Variants in HAUS2 observed in about 807,000 individuals in gnomAD.
HAUS2 encodes HAUS augmin-like complex subunit 2.
Under a neutral mutation model 21.6 loss-of-function variants are expected in HAUS2, and 20 were observed. That is an observed-to-expected ratio of 0.93 (90% CI 0.65 to 1.35). The LOEUF (loss-of-function observed/expected upper bound fraction) is 1.35, where lower values mean the gene tolerates loss of function less well. HAUS2 is among the 40% of genes most tolerant of loss of function. HAUS2 has a pLI of 0.00. For missense variants in HAUS2, 297 were observed against 280.7 expected, an observed-to-expected ratio of 1.06 and a Z score of -0.42; for synonymous variants, 113 against 95.6, an observed-to-expected ratio of 1.18 and a Z score of -1.06.
At position 42,557,207 on chromosome 15, in the gene HAUS2, T is replaced by G. The variant is rs573214414; in HGVS notation, c.94-991T>G. ...GGTGGGCGCCTGTAGTCCCAGCTAC[T>G]CGGGAGGCTGAGGCAGGAGAATGGC... is the stretch of plus-strand genomic sequence containing the variant. On this transcript the variant is annotated intron_variant, in intron 1 of 5. Transcript: ENST00000260372. Among the ~76,000 whole-genome samples, 32 of 143,922 alleles carry G rather than the reference T, an allele frequency of 2.2e-4. 1 individual carries two copies. The South Asian group carries it at 7.0e-3, about 31-fold the overall frequency. The allele number at this position is 143,922 out of a possible 152,430, so 94.4% of individuals were successfully genotyped here.
At chr15:42,553,713 A>C (rs1276161746) in intron 1 of HAUS2, among the ~76,000 whole-genome samples, 1 of 152,156 alleles carries the variant, frequency 6.6e-6, no homozygotes, top group Non-Finnish European at 1.5e-5. Flanking sequence ...TCTATTGTTG[A>C]ACCCGACAGT....
rs764691187 is a variant in HAUS2 at position 42,559,339 on chromosome 15, A to C, written c.187A>C (p.Lys63Gln). 3 of 1,583,598 alleles carry C rather than the reference A, an allele frequency of 1.9e-6. No homozygotes were observed. The South Asian group carries it at 3.3e-5, about 18-fold the overall frequency. ...ITNIQAEIYQKNLEIELLKLE... is the reference protein window; with the variant it reads ...ITNIQAEIYQQNLEIELLKLE... ...AATGTTACTTTTGTTCCTCATGTAG[A>C]AAAACCTGGAAATTGAACTCCTGAA... is the stretch of plus-strand genomic sequence containing the variant. The change falls in exon 3 of 6, where the codon AAA becomes CAA. Residue 63 changes from lysine to glutamine, a missense_variant and splice_region_variant. By Grantham distance (53) the Lys-to-Gln change is moderately conservative. Transcript: ENST00000260372.
chr15:42,569,045 G>T lies in HAUS2; in HGVS notation c.*2229G>T, dbSNP rs931004005. ...ACTGGTAGCTGTAGGAATAGGCAAAGAAGAAACAGCAAAGAAAAAGGCACA... is the reference window on the plus strand; with the variant it reads ...ACTGGTAGCTGTAGGAATAGGCAAATAAGAAACAGCAAAGAAAAAGGCACA... On this transcript the variant is annotated 3_prime_UTR_variant, in exon 6 of 6. Coordinates refer to ENST00000260372, the MANE Select transcript of HAUS2 (RefSeq NM_018097.3). The T allele has an allele frequency of 6.6e-6, 1 of 152,156 alleles. No homozygotes were observed. The highest frequency in any genetic ancestry group is 2.4e-5 in the African/African-American group (1 of 41,432). The allele number at this position is 152,156 out of a possible 1,614,324, so 9.4% of individuals were successfully genotyped here.
At chr15:42,557,830 G>T (rs1342967549) in intron 1 of HAUS2, among the ~76,000 whole-genome samples, 1 of 152,014 alleles carries the variant, frequency 6.6e-6, no homozygotes. Flanking sequence ...AACCCCGGAA[G>T]CTCTGAGAGA....
intron 4 of HAUS2, 71 bp from the exon 5 acceptor site, chr15:42,563,678 T>A (rs1231553253): frequency 3.7e-6 from 3 of 801,766 alleles, no homozygotes; most frequent in Admixed American, 1.9e-5. Context: ...AAGTCCTGAT[T>A]AAAGGAGAAG....
At position 42,559,301 on chromosome 15, in the gene HAUS2, T is replaced by C. The variant is rs371408509; in HGVS notation, c.187-38T>C. 3.1e-3 allele frequency: 4,054 copies of C among 1,295,056 alleles called. 13 individuals carry two copies. Among genetic ancestry groups the C allele is most frequent in the Non-Finnish European group, 3.5e-3 (3,129 of 888,914 alleles). 80.2% of individuals were successfully genotyped at this position (1,295,056 alleles called of 1,614,324 possible). A position where few individuals can be genotyped will look rare whatever the true frequency, so the allele number is the denominator to read the frequency against. On this transcript the variant is annotated intron_variant, in intron 2 of 5. Coordinates refer to ENST00000260372, the MANE Select transcript of HAUS2 (RefSeq NM_018097.3). ...CCACCGCACCTGGCCATGGACACTT[T>C]CTGATTGAGCTAAATGTTACTTTTG...
intron 4 of HAUS2, among the ~76,000 whole-genome samples, chr15:42,562,692 C>A (rs1024208370): frequency 1.3e-5 from 2 of 152,202 alleles, no homozygotes; most frequent in Non-Finnish European, 2.9e-5. Flanking sequence ...CATCTAAGAA[C>A]TAGGCAATGA....
At position 42,567,037 on chromosome 15, in the gene HAUS2, T is replaced by G. The variant is rs10851411; in HGVS notation, c.*221T>G. On this transcript the variant is annotated 3_prime_UTR_variant, in exon 6 of 6. Coordinates refer to ENST00000260372, the MANE Select transcript of HAUS2 (RefSeq NM_018097.3). Reference sequence around the variant, plus strand: ...CAGTAAAACTAGAGAAGCTAAAAAATAGCCATGACAATTTATTAATATAAG... The same window carrying G: ...CAGTAAAACTAGAGAAGCTAAAAAAGAGCCATGACAATTTATTAATATAAG... 0.65 allele frequency: 241,560 copies of G among 372,392 alleles called. 85,598 individuals are homozygous for G. Among genetic ancestry groups the G allele is most frequent in the East Asian group, 0.78 (15,137 of 19,506 alleles). The allele number at this position is 372,392 out of a possible 1,614,324, so 23.1% of individuals were successfully genotyped here.
chr15:42,558,128 G>T, intron 1 of HAUS2, 70 bp from the exon 2 acceptor site: 1 of 703,642 alleles, frequency 1.4e-6, no homozygotes. Flanking sequence ...TAGACTATGG[G>T]CATGCTATTC....
intron 1 of HAUS2, among the ~76,000 whole-genome samples, chr15:42,556,518 G>A (rs900936906): frequency 1.4e-4 from 22 of 151,726 alleles, no homozygotes; most frequent in African/African-American, 5.1e-4. Flanking sequence ...ACCCACCTCG[G>A]CCTCCAAAGT....
intron 1 of HAUS2, 60 bp downstream of exon 1, chr15:42,549,025 G>A: frequency 9.4e-7 from 1 of 1,063,732 alleles, no homozygotes; most frequent in Non-Finnish European, 1.4e-6. Context: ...CAATATGGCT[G>A]TGAGTTGGTG....
intron 5 of HAUS2, among the ~76,000 whole-genome samples, chr15:42,566,200 C>CA (rs796423256): frequency 2.1e-3 from 249 of 118,358 alleles, no homozygotes; most frequent in Admixed American, 4.5e-3. Context: ...GACACCATCT[C>CA]AAAAAAAAAA....
In HAUS2 at chr15:42,558,310, CT is replaced by C; in HGVS notation, c.186+23del. 1 of 590,186 alleles carries C rather than the reference CT, an allele frequency of 1.7e-6. No homozygotes were observed. The highest frequency in any genetic ancestry group is 2.8e-6 in the Non-Finnish European group (1 of 356,078). The allele number at this position is 590,186 out of a possible 1,614,324, so 36.6% of individuals were successfully genotyped here. On this transcript the variant is annotated intron_variant, in intron 2 of 5. Transcript: ENST00000260372. ...TACCAGGTAAATCATTTTGTTTTCA[CT>C]TTCTTTTTTTTTTTTTTTTTTTTTT...
At chr15:42,566,251 A>G (rs1463076937) in intron 5 of HAUS2, among the ~76,000 whole-genome samples, 2 of 152,072 alleles carry the variant, frequency 1.3e-5, no homozygotes, top group East Asian at 3.9e-4. Flanking sequence ...CATCTTGCAC[A>G]TGTAGTAAAT....
At chr15:42,560,895 G>A (rs1316392323) in intron 3 of HAUS2, 4 of 698,206 alleles carry the variant, frequency 5.7e-6, no homozygotes, top group African/African-American at 5.3e-5. Context: ...ACCAGCTAAG[G>A]TGACTCTTTT....
rs775897433 is a variant in HAUS2 at position 42,559,326 on chromosome 15, G to C, written c.187-13G>C. 7 of 1,523,002 alleles carry C rather than the reference G, an allele frequency of 4.6e-6. No individual in the cohort carries two copies. Among genetic ancestry groups the C allele is most frequent in the Non-Finnish European group, 6.4e-6 (7 of 1,097,090 alleles). The allele number at this position is 1,523,002 out of a possible 1,614,324, so 94.3% of individuals were successfully genotyped here. ...TCTGATTGAGCTAAATGTTACTTTT[G>C]TTCCTCATGTAGAAAAACCTGGAAA... On this transcript the variant is annotated splice_polypyrimidine_tract_variant and intron_variant, in intron 2 of 5. Coordinates refer to ENST00000260372, the MANE Select transcript of HAUS2 (RefSeq NM_018097.3).
intron 3 of HAUS2, chr15:42,560,660 AG>A (rs1314178647): frequency 1.8e-6 from 1 of 561,290 alleles, no homozygotes; most frequent in Non-Finnish European, 3.2e-6. Flanking sequence ...TCTGTAACCC[AG>A]GCTGAAGTAC....
rs1010943709 is a variant in HAUS2, at chr15:42,569,184, C to CT, written c.*2373dup. Reference sequence around the variant, plus strand: ...ACTAACAACTGCCTCAGGATATACTCTTTTTAATCAGTATTGTAACTAACC... The same window carrying CT: ...ACTAACAACTGCCTCAGGATATACTCTTTTTTAATCAGTATTGTAACTAACC... On this transcript the variant is annotated 3_prime_UTR_variant, in exon 6 of 6. Coordinates refer to ENST00000260372, the MANE Select transcript of HAUS2 (RefSeq NM_018097.3). The CT allele has an allele frequency of 1.3e-5, 2 of 151,792 alleles. No homozygotes were observed. Among genetic ancestry groups the CT allele is most frequent in the South Asian group, 4.2e-4 (2 of 4,816 alleles). 9.4% of individuals were successfully genotyped at this position (151,792 alleles called of 1,614,324 possible). A position where few individuals can be genotyped will look rare whatever the true frequency, so the allele number is the denominator to read the frequency against.
chr15:42,551,272 C>G (rs961351736), intron 1 of HAUS2, among the ~76,000 whole-genome samples: 3 of 152,136 alleles, frequency 2.0e-5, no homozygotes, highest in South Asian at 2.1e-4. Flanking sequence ...TGAACCCAGC[C>G]TTTTTCTTCT....
Sources: allele counts gnomAD v4.1 joint callset (sites outside exome capture counted in the v4.1 genomes callset), GRCh38; gene constraint gnomAD v4.1.1; transcripts MANE v1.5; gene names NCBI Gene and HGNC (gene_info 2026-07-23, HGNC 2026-07-21).